Variants in ARID1B observed in about 807,000 individuals in gnomAD.
ARID1B encodes AT-rich interaction domain 1B.
In ARID1B, 30 loss-of-function variants were observed where a neutral mutation model predicts 212.3. That is an observed-to-expected ratio of 0.14 (90% CI 0.11 to 0.19). ARID1B has a LOEUF of 0.19. Ranked by LOEUF, ARID1B falls within the 10% of genes least tolerant of loss-of-function variation. The pLI is 1.00. For missense variants in ARID1B, 2,891 were observed against 3,204.0 expected (o/e 0.90, Z 2.36); for synonymous variants, 1,402 against 1,301.7 (o/e 1.08, Z -1.66).
At chr6:156,867,431 C>T (rs1785782462) in intron 2 of ARID1B, among the ~76,000 whole-genome samples, 1 of 152,096 alleles carries the variant, frequency 6.6e-6, no homozygotes, top group African/African-American at 2.4e-5. Context: ...ATGTTTCCTC[C>T]CACAAATAAT....
At chr6:157,192,952 C>T (rs1359322266) in intron 15 of ARID1B, among the ~76,000 whole-genome samples, 1 of 152,142 alleles carries the variant, frequency 6.6e-6, no homozygotes, top group East Asian at 1.9e-4. Flanking sequence ...GTTGCTGCTG[C>T]TGGTGGTGTT....
chr6:156,974,637 C>G (rs1357870930), intron 4 of ARID1B, among the ~76,000 whole-genome samples: 3 of 152,134 alleles, frequency 2.0e-5, no homozygotes, highest in Non-Finnish European at 4.4e-5. Context: ...ATAGAAAAAT[C>G]TTTACTTTTT....
chr6:157,001,408 G>A (rs913068799), intron 4 of ARID1B, among the ~76,000 whole-genome samples: 10 of 152,142 alleles, frequency 6.6e-5, no homozygotes, highest in East Asian at 1.9e-4. Context: ...CATCTGAACC[G>A]TCCTCTGACC....
At chr6:156,926,634 C>A (rs1791238722) in intron 3 of ARID1B, among the ~76,000 whole-genome samples, 1 of 152,148 alleles carries the variant, frequency 6.6e-6, no homozygotes, top group African/African-American at 2.4e-5. Context: ...CTCTGTCTCC[C>A]CCTTCTCATC....
intron 4 of ARID1B, among the ~76,000 whole-genome samples, chr6:157,074,390 C>T (rs912211561): frequency 6.6e-6 from 1 of 152,008 alleles, no homozygotes; most frequent in African/African-American, 2.4e-5. Flanking sequence ...CCACACGGGG[C>T]TAATTTTTAT....
rs113189027 is a variant in ARID1B, at chr6:156,962,714, C to T, written c.2247+27138C>T. ...GCCAGTCTGCTCTTAAACTCCCACG[C>T]TCAAGAGATCCGCCCGCCTTGGCTT... is the stretch of plus-strand genomic sequence containing the variant. On this transcript the variant is annotated intron_variant, in intron 4 of 19. Coordinates refer to ENST00000636930, the MANE Select transcript of ARID1B (RefSeq NM_001374828.1). Among the ~76,000 whole-genome samples, 558 of 152,296 alleles carry T rather than the reference C, an allele frequency of 3.7e-3. 6 individuals carry two copies. Among genetic ancestry groups the T allele is most frequent in the African/African-American group, 0.013 (523 of 41,562 alleles).
intron 2 of ARID1B, among the ~76,000 whole-genome samples, chr6:156,867,986 C>T (rs942387766): frequency 6.6e-6 from 1 of 152,146 alleles, no homozygotes; most frequent in African/African-American, 2.4e-5. Context: ...CAAACTGTCC[C>T]AGTGCCTTCC....
At chr6:157,059,827 A>G (rs1198508496) in intron 4 of ARID1B, among the ~76,000 whole-genome samples, 1 of 152,206 alleles carries the variant, frequency 6.6e-6, no homozygotes, top group East Asian at 1.9e-4. Context: ...AGAATTTACA[A>G]AATGCTTTCT....
At chr6:156,906,936 T>C (rs1789442496) in intron 3 of ARID1B, among the ~76,000 whole-genome samples, 1 of 152,246 alleles carries the variant, frequency 6.6e-6, no homozygotes. Flanking sequence ...TTGTTACTGG[T>C]GTATACAAAT....
chr6:156,777,921 G>A lies in ARID1B; in HGVS notation c.241G>A (p.Glu81Lys). The change falls in exon 1 of 20, where the codon GAA becomes AAA. Residue 81 changes from glutamate (E) to lysine (K), a missense_variant. Transcript: ENST00000636930. ...VHHHPLLPRHELNMAHNAGAA... is the reference protein window; with the variant it reads ...VHHHPLLPRHKLNMAHNAGAA... ...CCACCACCCCCTGCTCCCCCGTCAC[G>A]AACTCAACATGGCCCATAACGCGGG... The A allele has an allele frequency of 1.3e-6, 2 of 1,520,586 alleles. No individual in the cohort carries two copies. Among genetic ancestry groups the A allele is most frequent in the Non-Finnish European group, 1.8e-6 (2 of 1,141,628 alleles). 94.2% of individuals were successfully genotyped at this position (1,520,586 alleles called of 1,614,324 possible).
At chr6:156,776,946 G>C (rs1778656559), upstream of ARID1B, 1 of 152,232 alleles carries the variant, frequency 6.6e-6, no homozygotes, top group African/African-American at 2.4e-5. Context: ...TCCTGGGAGA[G>C]ACCGTGCTTT....
At chr6:156,850,000 T>C (rs1784479297) in intron 2 of ARID1B, among the ~76,000 whole-genome samples, 1 of 149,342 alleles carries the variant, frequency 6.7e-6, no homozygotes, top group South Asian at 2.2e-4. Flanking sequence ...GCTGGAAGTG[T>C]TCTTGCACGG....
intron 4 of ARID1B, among the ~76,000 whole-genome samples, chr6:157,009,237 G>A (rs1347258488): frequency 6.6e-6 from 1 of 152,226 alleles, no homozygotes. Context: ...CAGTAGTTCT[G>A]TGTTGAGTAA....
intron 2 of ARID1B, among the ~76,000 whole-genome samples, chr6:156,850,805 A>G (rs1440188764): frequency 1.3e-5 from 2 of 152,244 alleles, no homozygotes; most frequent in Admixed American, 1.3e-4. Flanking sequence ...ACATTGAGTG[A>G]GAAAATTAAA....
In ARID1B at chr6:156,779,117, C is replaced by G. The variant is rs1347923842; in HGVS notation, c.1437C>G (p.Gly479=). 8 of 1,237,216 alleles carry G rather than the reference C, an allele frequency of 6.5e-6. No homozygotes were observed. The highest frequency in any genetic ancestry group is 3.0e-5 in the South Asian group (1 of 33,570). The allele number at this position is 1,237,216 out of a possible 1,614,324, so 76.6% of individuals were successfully genotyped here. A position where few individuals can be genotyped will look rare whatever the true frequency, so the allele number is the denominator to read the frequency against. Residue 479 remains glycine (G), a synonymous_variant, in exon 1 of 20, where the codon GGC becomes GGG. Transcript: ENST00000636930. ...GAASLSKAAA[G]SAAGGFQRFA... ...CGAGCCTCAGCAAGGCGGCCGCCGGCTCGGCGGCGGGGGGCTTCCAGCGCT... is the reference window on the plus strand; with the variant it reads ...CGAGCCTCAGCAAGGCGGCCGCCGGGTCGGCGGCGGGGGGCTTCCAGCGCT...
chr6:157,109,197 T>G (rs1405990894), intron 5 of ARID1B, among the ~76,000 whole-genome samples: 1 of 152,110 alleles, frequency 6.6e-6, no homozygotes, highest in South Asian at 2.1e-4. Context: ...GGGTTGGTTG[T>G]TGTACATCGT....
chr6:156,879,133 G>A (rs530750456), intron 2 of ARID1B, among the ~76,000 whole-genome samples: 1 of 152,348 alleles, frequency 6.6e-6, no homozygotes, highest in East Asian at 1.9e-4. Context: ...CCAGGGAGGA[G>A]TGTTCGCATC....
chr6:156,940,222 T>G (rs1024411884), intron 4 of ARID1B: 2 of 152,230 alleles, frequency 1.3e-5, no homozygotes, highest in Non-Finnish European at 2.9e-5. Context: ...TTGTTAGGAC[T>G]TTGTGAAATA....
At chr6:156,881,193 G>C (rs1190440922) in intron 2 of ARID1B, among the ~76,000 whole-genome samples, 1 of 152,160 alleles carries the variant, frequency 6.6e-6, no homozygotes, top group Non-Finnish European at 1.5e-5. Flanking sequence ...AGCCACTCTT[G>C]GAACCTGAGA....
Sources: allele counts gnomAD v4.1 joint callset (sites outside exome capture counted in the v4.1 genomes callset), GRCh38; gene constraint gnomAD v4.1.1; transcripts MANE v1.5; gene names NCBI Gene and HGNC (gene_info 2026-07-23, HGNC 2026-07-21).